The following HMGN5 variants were observed in gnomAD, a reference collection of about 807,000 sequenced individuals.
The protein encoded by HMGN5 is high mobility group nucleosome binding domain 5.
HMGN5 carries 4 observed loss-of-function variants against 9.5 expected under a neutral mutation model. That is an observed-to-expected ratio of 0.42 (90% CI 0.21 to 0.96). HMGN5 has a LOEUF of 0.96. Among genes scored for constraint, HMGN5 ranks in the 40% least tolerant of loss-of-function variants. The pLI is 0.30. For synonymous variants in HMGN5, 55 were observed against 57.1 expected (o/e 0.96, Z 0.16); for missense variants, 192 against 187.5 (o/e 1.02, Z -0.14).
intron 1 of HMGN5, among the ~76,000 whole-genome samples, chrX:81,189,591 T>A (rs1482695859): frequency 8.9e-6 from 1 of 112,370 alleles, no homozygotes; most frequent in East Asian, 2.8e-4. Context: ...TAATAATATT[T>A]CATTTTTGGA....
At chrX:81,156,058 T>C (rs146227734) in intron 1 of HMGN5, among the ~76,000 whole-genome samples, 1,297 of 111,915 alleles carry the variant, frequency 0.012, 18 homozygotes, top group African/African-American at 0.039. Context: ...TACAACTCCA[T>C]ATGAATCCAT....
At chrX:81,144,958 T>G (rs2075339544) in intron 1 of HMGN5, among the ~76,000 whole-genome samples, 1 of 106,790 alleles carries the variant, frequency 9.4e-6, no homozygotes, top group Non-Finnish European at 1.9e-5. Context: ...GAAAAAAGAG[T>G]GAAAAGAAAT....
At position 81,117,046 on chromosome X, in the gene HMGN5, A is replaced by T. The variant is rs1408458970; in HGVS notation, c.130-705T>A. ...TTTGAGGCTGTTATTTTCATATATA[A>T]AAAGAGAGTAATACCACCCACCTCA... is the stretch of plus-strand genomic sequence containing the variant. On this transcript the variant is annotated intron_variant, in intron 5 of 6. Transcript: ENST00000358130. 3.6e-5 allele frequency among the ~76,000 whole-genome samples: 4 copies of T among 110,896 alleles called. No individual in the cohort carries two copies. The East Asian group carries it at 1.1e-3, about 32-fold the overall frequency.
chrX:81,141,356 G>C (rs2075328933), intron 1 of HMGN5, among the ~76,000 whole-genome samples: 1 of 111,035 alleles, frequency 9.0e-6, no homozygotes, highest in African/African-American at 3.3e-5. Context: ...AGCTTTGGGA[G>C]AGACCCAGTG....
chrX:81,142,892 C>T (rs745640114), intron 1 of HMGN5, among the ~76,000 whole-genome samples: 1 of 110,829 alleles, frequency 9.0e-6, no homozygotes, highest in Non-Finnish European at 1.9e-5. Context: ...AATGATGAAT[C>T]AATAAAAAAT....
chrX:81,187,242 G>A (rs767564320), intron 1 of HMGN5, among the ~76,000 whole-genome samples: 53 of 111,483 alleles, frequency 4.8e-4, no homozygotes, highest in Non-Finnish European at 8.3e-4. Context: ...TATTTCTAAT[G>A]TTGCTTTGTT....
chrX:81,173,612 C>T (rs1291626125), intron 1 of HMGN5, among the ~76,000 whole-genome samples: 6 of 112,052 alleles, frequency 5.4e-5, no homozygotes, highest in African/African-American at 1.6e-4. Flanking sequence ...ATTTCTTTTT[C>T]TTGTGCTTCC....
At chrX:81,199,605 C>T (rs1461138880) in intron 1 of HMGN5, among the ~76,000 whole-genome samples, 3 of 111,865 alleles carry the variant, frequency 2.7e-5, no homozygotes, top group Non-Finnish European at 5.6e-5. Flanking sequence ...TTTGACAAAC[C>T]TGACAAAAAC....
chrX:81,179,976 G>T (rs2147642872), intron 1 of HMGN5, among the ~76,000 whole-genome samples: 1 of 111,692 alleles, frequency 9.0e-6, no homozygotes, highest in Admixed American at 9.5e-5. Flanking sequence ...TTAATAAATG[G>T]TGCTGGGAAA....
At chrX:81,130,298 T>A (rs1225071091) in intron 1 of HMGN5, among the ~76,000 whole-genome samples, 1 of 111,573 alleles carries the variant, frequency 9.0e-6, no homozygotes, top group Non-Finnish European at 1.9e-5. Flanking sequence ...TAGTAAGATA[T>A]GCTTTAAATT....
chrX:81,183,692 G>T (rs1239636757), intron 1 of HMGN5, among the ~76,000 whole-genome samples: 1 of 112,863 alleles, frequency 8.9e-6, no homozygotes, highest in Non-Finnish European at 1.9e-5. Flanking sequence ...GCATGGAGGG[G>T]AAATGAGGGG....
chrX:81,148,303 A>G (rs1406510856), intron 1 of HMGN5, among the ~76,000 whole-genome samples: 1 of 111,996 alleles, frequency 8.9e-6, no homozygotes, highest in Non-Finnish European at 1.9e-5. Flanking sequence ...ATGGAACAGA[A>G]CAGAGTCCTC....
At chrX:81,118,525 A>G in intron 4 of HMGN5, 40 bp from the exon 5 acceptor site, 6 of 1,064,338 alleles carry the variant, frequency 5.6e-6, no homozygotes, top group Non-Finnish European at 7.7e-6. Flanking sequence ...AAGGAAAAAA[A>G]TCATATTTGA....
chrX:81,155,631 A>C (rs150144692), intron 1 of HMGN5, among the ~76,000 whole-genome samples: 63 of 111,781 alleles, frequency 5.6e-4, no homozygotes, highest in African/African-American at 1.9e-3. Flanking sequence ...CCAGGGAATT[A>C]AGTCGAGTGA....
At chrX:81,163,450 T>C (rs1002189394) in intron 1 of HMGN5, among the ~76,000 whole-genome samples, 2 of 112,040 alleles carry the variant, frequency 1.8e-5, no homozygotes, top group African/African-American at 6.5e-5. Context: ...CCCTTGAATC[T>C]TAAATCAAGT....
intron 1 of HMGN5, among the ~76,000 whole-genome samples, chrX:81,184,453 C>A (rs1397903081): frequency 8.9e-6 from 1 of 111,741 alleles, no homozygotes; most frequent in Admixed American, 9.5e-5. Flanking sequence ...AAACAAATTA[C>A]CCCGTCTCAC....
At chrX:81,126,236 C>G (rs772733394) in intron 1 of HMGN5, among the ~76,000 whole-genome samples, 1 of 108,310 alleles carries the variant, frequency 9.2e-6, no homozygotes, top group African/African-American at 3.4e-5. Context: ...AGCAATTACA[C>G]AGTTTATACA....
At chrX:81,120,421 G>T (rs1024501269) in intron 2 of HMGN5, among the ~76,000 whole-genome samples, 1 of 111,279 alleles carries the variant, frequency 9.0e-6, no homozygotes, top group Non-Finnish European at 1.9e-5. Context: ...AAGACCTACT[G>T]CACAAGTATA....
chrX:81,135,497 A>G (rs189889287), intron 1 of HMGN5, among the ~76,000 whole-genome samples: 69 of 112,068 alleles, frequency 6.2e-4, no homozygotes, highest in African/African-American at 2.1e-3. Context: ...GTACAACTGA[A>G]TATTTTTCAG....
Sources: allele counts gnomAD v4.1 joint callset (sites outside exome capture counted in the v4.1 genomes callset), GRCh38; gene constraint gnomAD v4.1.1; transcripts MANE v1.5; gene names NCBI Gene and HGNC (gene_info 2026-07-23, HGNC 2026-07-21).